Variants in GALNT13 observed in about 807,000 individuals in gnomAD.
GALNT13 encodes polypeptide N-acetylgalactosaminyltransferase 13, also known as UDP-GalNAc:polypeptide N-acetylgalactosaminyltransferase 13.
GALNT13 carries 28 observed loss-of-function variants against 64.2 expected under a neutral mutation model. The observed-to-expected ratio is 0.44, with a 90% confidence interval of 0.32 to 0.60. The LOEUF (loss-of-function observed/expected upper bound fraction) is 0.60, where lower values mean the gene tolerates loss of function less well. GALNT13 is among the 20% of genes least tolerant of loss of function. The probability of loss-of-function intolerance (pLI) is 0.05; values close to 1 mark genes in which losing one functional copy is unlikely to be tolerated. For synonymous variants in GALNT13, 214 were observed against 224.6 expected (o/e 0.95, Z 0.42); for missense variants, 577 against 669.8 (o/e 0.86, Z 1.53).
At chr2:154,355,423 G>A (rs1460706327) in intron 9 of GALNT13, among the ~76,000 whole-genome samples, 1 of 152,082 alleles carries the variant, frequency 6.6e-6, no homozygotes. Context: ...TTCTTAAATA[G>A]TTTTAGTTCA....
the GALNT13 span, among the ~76,000 whole-genome samples, chr2:153,247,474 T>G: frequency 1.3e-5 from 2 of 152,046 alleles, no homozygotes. Flanking sequence ...GAACTCAGGG[T>G]TAAGAAACTC....
At chr2:153,359,483 C>A in the GALNT13 span, among the ~76,000 whole-genome samples, 1 of 151,656 alleles carries the variant, frequency 6.6e-6, no homozygotes, top group African/African-American at 2.4e-5. Flanking sequence ...AGTCAGACTT[C>A]AAGTTTGCAA....
intron 2 of GALNT13, among the ~76,000 whole-genome samples, chr2:153,940,031 T>C (rs1466786446): frequency 6.6e-6 from 1 of 152,120 alleles, no homozygotes; most frequent in Non-Finnish European, 1.5e-5. Context: ...ATCATCAATA[T>C]TCTCCCTTTC....
the GALNT13 span, among the ~76,000 whole-genome samples, chr2:153,824,794 G>A: frequency 7.7e-4 from 117 of 152,098 alleles, no homozygotes; most frequent in South Asian, 2.3e-3. Context: ...GACTTCTCAC[G>A]AGATCTGATT....
intron 3 of GALNT13, among the ~76,000 whole-genome samples, chr2:154,088,391 C>T (rs904815461): frequency 4.6e-5 from 7 of 152,230 alleles, no homozygotes; most frequent in African/African-American, 1.7e-4. Context: ...TGGAAAAGTG[C>T]TATATATCCA....
chr2:154,381,016 T>C (rs1309552204), intron 9 of GALNT13, among the ~76,000 whole-genome samples: 2 of 152,064 alleles, frequency 1.3e-5, no homozygotes, highest in Non-Finnish European at 2.9e-5. Flanking sequence ...GAGTTCCTGC[T>C]AACAAGATGT....
At chr2:153,981,463 G>A (rs952775630) in intron 3 of GALNT13, among the ~76,000 whole-genome samples, 56 of 152,082 alleles carry the variant, frequency 3.7e-4, no homozygotes, top group African/African-American at 1.3e-3. Flanking sequence ...GAGAACATGC[G>A]GTGTTTGGTT....
At chr2:154,181,596 TAGTCTTTAAAGTTTTA>T (rs1269499407) in intron 4 of GALNT13, among the ~76,000 whole-genome samples, 3 of 152,132 alleles carry the variant, frequency 2.0e-5, no homozygotes, top group Admixed American at 2.0e-4. Context: ...TATATATTTA[TAGTCTTTAAAGTTTTA>T]ACTATAAAAT....
intron 8 of GALNT13, among the ~76,000 whole-genome samples, chr2:154,270,410 A>G (rs1364766693): frequency 6.6e-6 from 1 of 151,970 alleles, no homozygotes; most frequent in Non-Finnish European, 1.5e-5. Context: ...TCTTAAACTA[A>G]TTGAAAATAA....
chr2:153,134,322 C>T, the GALNT13 span, among the ~76,000 whole-genome samples: 1 of 152,030 alleles, frequency 6.6e-6, no homozygotes, highest in Non-Finnish European at 1.5e-5. Flanking sequence ...GGAAATGAGT[C>T]CTCTACTTTT....
intron 9 of GALNT13, among the ~76,000 whole-genome samples, chr2:154,356,195 A>G (rs534716474): frequency 1.3e-5 from 2 of 151,996 alleles, no homozygotes; most frequent in Non-Finnish European, 2.9e-5. Flanking sequence ...GCTTTTTCCT[A>G]TTAATCAAGT....
the GALNT13 span, among the ~76,000 whole-genome samples, chr2:153,444,359 GTGAA>G: frequency 1.3e-5 from 2 of 152,156 alleles, no homozygotes; most frequent in African/African-American, 4.8e-5. Flanking sequence ...TTTTGAGTGA[GTGAA>G]TGAATGAATA....
At chr2:153,397,249 G>A in the GALNT13 span, among the ~76,000 whole-genome samples, 1 of 152,224 alleles carries the variant, frequency 6.6e-6, no homozygotes, top group East Asian at 1.9e-4. Context: ...TATTCTTCCT[G>A]TGTCTCCAGG....
the GALNT13 span, among the ~76,000 whole-genome samples, chr2:153,646,959 A>T: frequency 1.3e-5 from 2 of 152,184 alleles, no homozygotes; most frequent in African/African-American, 4.8e-5. Context: ...CATGATTTAT[A>T]TTCCTTTGGG....
the GALNT13 span, among the ~76,000 whole-genome samples, chr2:153,329,027 G>A: frequency 9.2e-5 from 14 of 152,234 alleles, no homozygotes; most frequent in African/African-American, 3.4e-4. Flanking sequence ...CCCTCACAGT[G>A]TGGTCCCTCA....
chr2:153,287,240 C>T, the GALNT13 span, among the ~76,000 whole-genome samples: 1 of 152,134 alleles, frequency 6.6e-6, no homozygotes. Flanking sequence ...TGCAGACGGG[C>T]AAGTCCTGAG....
chr2:153,082,011 C>A, the GALNT13 span, among the ~76,000 whole-genome samples: 1 of 152,132 alleles, frequency 6.6e-6, no homozygotes, highest in African/African-American at 2.4e-5. Context: ...TTTCCCTTTT[C>A]TCCACATTTT....
chr2:154,149,815 A>T (rs1683867324), intron 4 of GALNT13, among the ~76,000 whole-genome samples: 1 of 152,218 alleles, frequency 6.6e-6, no homozygotes, highest in Admixed American at 6.5e-5. Flanking sequence ...TATCAGCTTA[A>T]GGAGATTTTG....
At chr2:153,522,993 T>C in the GALNT13 span, among the ~76,000 whole-genome samples, 5 of 151,892 alleles carry the variant, frequency 3.3e-5, no homozygotes, top group Non-Finnish European at 5.9e-5. Flanking sequence ...TTTAGGTCTA[T>C]GATCCATTTT....
Sources: gnomAD v4.1 joint callset for allele counts (sites outside exome capture counted in the v4.1 genomes callset) on GRCh38, gnomAD v4.1.1 for gene constraint, MANE v1.5 for transcripts, NCBI Gene and HGNC (gene_info 2026-07-23, HGNC 2026-07-21) for gene names.